The following PDE1C variants were observed in gnomAD, a reference collection of about 807,000 sequenced individuals.
The protein encoded by PDE1C is dual specificity calcium/calmodulin-dependent 3',5'-cyclic nucleotide phosphodiesterase 1C.
Under a neutral mutation model 93.1 loss-of-function variants are expected in PDE1C, and 62 were observed. The observed-to-expected ratio is 0.67, with a 90% CI of 0.54 to 0.82. PDE1C has a LOEUF of 0.82. PDE1C is among the 40% of genes least tolerant of loss of function. The probability of loss-of-function intolerance (pLI) is 0.00; values close to 1 mark genes in which losing one functional copy is unlikely to be tolerated. For synonymous variants in PDE1C, 325 were observed against 310.1 expected, an observed-to-expected ratio of 1.05 and a Z score of -0.50; for missense variants, 742 against 884.6, an observed-to-expected ratio of 0.84 and a Z score of 2.04.
intron 1 of PDE1C, among the ~76,000 whole-genome samples, chr7:32,297,984 TCTCTCTCTCTCTC>T (rs1562659971): frequency 9.2e-5 from 7 of 76,042 alleles, no homozygotes; most frequent in Non-Finnish European, 1.4e-4. Flanking sequence ...TCTCTCTCTC[TCTCTCTCTCTCTC>T]CTCTCTCTCT....
At chr7:31,825,617 A>T (rs1789553789) in intron 12 of PDE1C, among the ~76,000 whole-genome samples, 1 of 152,154 alleles carries the variant, frequency 6.6e-6, no homozygotes, top group Non-Finnish European at 1.5e-5. Context: ...TTAATCTGGC[A>T]AGATAGATAA....
In PDE1C at chr7:32,372,409, A is replaced by G. The variant is rs910342321; in HGVS notation, c.310+55413T>C. 2.6e-5 allele frequency among the ~76,000 whole-genome samples: 4 copies of G among 152,308 alleles called. No homozygotes were observed. The South Asian group carries it at 6.2e-4, about 24-fold the overall frequency. ...AATGGGGAAAGAATAAGATTTTTCA[A>G]TAAGTGGTTCTGGGACAACTGGATA... On this transcript the variant is annotated intron_variant, in intron 1 of 1. Transcript: ENST00000672256.
intron 7 of PDE1C, 23 bp downstream of exon 7, chr7:31,864,918 CT>C: frequency 1.9e-6 from 3 of 1,607,250 alleles, no homozygotes. Context: ...TTTGGGGAAC[CT>C]AAGAGTTCCT....
chr7:31,943,230 T>A (rs1374762818), intron 2 of PDE1C, among the ~76,000 whole-genome samples: 1 of 152,104 alleles, frequency 6.6e-6, no homozygotes, highest in African/African-American at 2.4e-5. Flanking sequence ...GATTAGTTCA[T>A]GTAAGGTGAT....
At chr7:31,770,002 G>C (rs548445553) in intron 17 of PDE1C, among the ~76,000 whole-genome samples, 1 of 152,254 alleles carries the variant, frequency 6.6e-6, no homozygotes, top group East Asian at 1.9e-4. Context: ...TAAAGTGGCT[G>C]CACCATTTTA....
intron 2 of PDE1C, among the ~76,000 whole-genome samples, chr7:31,940,790 T>C (rs1237461676): frequency 6.6e-6 from 1 of 152,152 alleles, no homozygotes; most frequent in Non-Finnish European, 1.5e-5. Flanking sequence ...CCAGCCACGC[T>C]CTGTGAGCAG....
intron 6 of PDE1C, among the ~76,000 whole-genome samples, chr7:31,871,867 T>C (rs1391737083): frequency 6.6e-6 from 1 of 151,906 alleles, no homozygotes; most frequent in African/African-American, 2.4e-5. Context: ...ACTGGGTATT[T>C]ATTAAAAAAG....
At chr7:31,663,477 G>A in the PDE1C span, among the ~76,000 whole-genome samples, 1 of 152,194 alleles carries the variant, frequency 6.6e-6, no homozygotes, top group Non-Finnish European at 1.5e-5. Flanking sequence ...CTTTTGCACA[G>A]TTTCAAGATT....
intron 2 of PDE1C, among the ~76,000 whole-genome samples, chr7:32,188,097 G>C (rs1803999252): frequency 6.6e-6 from 1 of 152,008 alleles, no homozygotes; most frequent in Non-Finnish European, 1.5e-5. Flanking sequence ...GCTGTCTTAT[G>C]CTATTTGCAT....
the PDE1C span, among the ~76,000 whole-genome samples, chr7:31,625,933 G>GA: frequency 6.6e-6 from 1 of 152,028 alleles, no homozygotes. Context: ...ATGTTAGTAA[G>GA]AAGGGTTTTT....
intron 1 of PDE1C, among the ~76,000 whole-genome samples, chr7:32,278,433 C>T (rs146039316): frequency 0.012 from 1,766 of 152,298 alleles, 12 homozygotes; most frequent in Middle Eastern, 0.02. Flanking sequence ...AGAAATTCTT[C>T]CTCACCTAAA....
intron 1 of PDE1C, among the ~76,000 whole-genome samples, chr7:32,311,957 G>A (rs1367165546): frequency 1.3e-5 from 2 of 151,400 alleles, no homozygotes; most frequent in African/African-American, 4.8e-5. Flanking sequence ...AAAAGAGGAA[G>A]TCAAATTGTC....
intron 2 of PDE1C, among the ~76,000 whole-genome samples, chr7:32,023,040 A>G (rs547698457): frequency 1.3e-4 from 19 of 151,972 alleles, no homozygotes; most frequent in African/African-American, 4.6e-4. Context: ...ATTTGCTCCC[A>G]ACGATTTAAT....
chr7:32,154,153 G>T (rs775923559), intron 3 of PDE1C, among the ~76,000 whole-genome samples: 32 of 152,138 alleles, frequency 2.1e-4, no homozygotes, highest in Admixed American at 1.1e-3. Context: ...CAGCTAACTG[G>T]GAGGCTGAGG....
intron 1 of PDE1C, among the ~76,000 whole-genome samples, chr7:32,361,653 T>C (rs547571670): frequency 6.6e-5 from 10 of 152,288 alleles, no homozygotes; most frequent in Admixed American, 2.0e-4. Context: ...CCACCTCAGC[T>C]GCCCTTGGTG....
intron 2 of PDE1C, among the ~76,000 whole-genome samples, chr7:31,949,873 A>T (rs887062284): frequency 1.3e-5 from 2 of 152,202 alleles, no homozygotes; most frequent in Non-Finnish European, 2.9e-5. Flanking sequence ...GCCAACTGTT[A>T]TCATAAACAG....
chr7:31,739,540 G>C, the PDE1C span, among the ~76,000 whole-genome samples: 21 of 152,182 alleles, frequency 1.4e-4, no homozygotes, highest in African/African-American at 5.1e-4. Context: ...CCGGCTGCTA[G>C]GATATGCACT....
At chr7:31,667,245 A>G in the PDE1C span, among the ~76,000 whole-genome samples, 3 of 152,246 alleles carry the variant, frequency 2.0e-5, no homozygotes, top group African/African-American at 7.2e-5. Flanking sequence ...CAGGCCCAGA[A>G]TCTGAGGTGA....
chr7:32,007,712 C>T (rs781682402), intron 2 of PDE1C, among the ~76,000 whole-genome samples: 28 of 152,148 alleles, frequency 1.8e-4, no homozygotes, highest in African/African-American at 6.0e-4. Context: ...AGTCATTCCA[C>T]GTATTTTACC....
Sources: allele counts gnomAD v4.1 joint callset (sites outside exome capture counted in the v4.1 genomes callset), GRCh38; gene constraint gnomAD v4.1.1; transcripts MANE v1.5; gene names NCBI Gene and HGNC (gene_info 2026-07-23, HGNC 2026-07-21).